Variants in PDCD6 observed in about 807,000 individuals in gnomAD.
PDCD6 encodes programmed cell death 6, also known as programmed cell death protein 6.
Under a neutral mutation model 28.3 loss-of-function variants are expected in PDCD6, and 12 were observed. That is an observed-to-expected ratio of 0.42 (90% CI 0.27 to 0.69). The LOEUF (loss-of-function observed/expected upper bound fraction) is 0.69, where lower values mean the gene tolerates loss of function less well. Among genes scored for constraint, PDCD6 ranks in the 30% least tolerant of loss-of-function variants. PDCD6 has a pLI of 0.22. For missense variants in PDCD6, 226 were observed against 269.9 expected (o/e 0.84, Z 1.14); for synonymous variants, 92 against 108.0 (o/e 0.85, Z 0.92).
At chr5:291,855 C>A (rs1247690866) in intron 2 of PDCD6, among the ~76,000 whole-genome samples, 2 of 152,290 alleles carry the variant, frequency 1.3e-5, no homozygotes, top group South Asian at 2.1e-4. Context: ...TTGTTGGGAA[C>A]GTTCTTGGGC....
intron 2 of PDCD6, chr5:276,388 T>C (rs1403511613): frequency 2.7e-5 from 27 of 1,013,324 alleles, no homozygotes; most frequent in Admixed American, 5.9e-5. Flanking sequence ...AGGTTCATAG[T>C]TGTGTTGTAT....
chr5:271,651 C>A lies in PDCD6; in HGVS notation c.-70C>A. On this transcript the variant is annotated 5_prime_UTR_variant, in exon 1 of 6. Transcript: ENST00000264933. ...TGCCAGGCCCTGCCCCCGGCAGAGG[C>A]GGAAGCGGAGTCGGCCTGAGAGGTC... is the stretch of plus-strand genomic sequence containing the variant. The A allele has an allele frequency of 3.4e-6, 3 of 877,222 alleles. No homozygotes were observed. The highest frequency in any genetic ancestry group is 5.5e-6 in the Non-Finnish European group (3 of 549,462). The allele number at this position is 877,222 out of a possible 1,614,324, so 54.3% of individuals were successfully genotyped here.
chr5:300,339 T>C (rs1394141936), intron 2 of PDCD6, among the ~76,000 whole-genome samples: 128 of 152,254 alleles, frequency 8.4e-4, no homozygotes, highest in Admixed American at 1.8e-3. Context: ...TCCCAGCTTC[T>C]TGCTGGAGGA....
chr5:299,461 C>T (rs1413588662), intron 2 of PDCD6, among the ~76,000 whole-genome samples: 1 of 151,374 alleles, frequency 6.6e-6, no homozygotes, highest in Non-Finnish European at 1.5e-5. Flanking sequence ...GTTCCCAAAA[C>T]ATCTTGGAAT....
At chr5:306,441 G>A (rs1740488868) in intron 3 of PDCD6, 161 bp from the exon 4 acceptor site, 1 of 656,412 alleles carries the variant, frequency 1.5e-6, no homozygotes, top group African/African-American at 1.8e-5. Context: ...AGACTTTAAG[G>A]GATTTCACCC....
intron 3 of PDCD6, chr5:306,334 G>A (rs879913298): frequency 3.2e-5 from 13 of 403,482 alleles, no homozygotes; most frequent in Admixed American, 2.4e-4. Flanking sequence ...CCCATTGCAC[G>A]GCCTGCCTCA....
rs994455346 is a variant in PDCD6 at position 307,879 on chromosome 5, G to A, written c.367+1119G>A. ...CTTACGAGCTTGTCCACAGGGCCGGGGGTGGACACTGGGTCTCCTCAAGAA... is the reference window on the plus strand; with the variant it reads ...CTTACGAGCTTGTCCACAGGGCCGGAGGTGGACACTGGGTCTCCTCAAGAA... On this transcript the variant is annotated intron_variant, in intron 4 of 5. Coordinates refer to ENST00000264933, the MANE Select transcript of PDCD6 (RefSeq NM_013232.4). The surrounding 1 kb of genome is among the most constrained non-coding windows in gnomAD (Gnocchi z 6.1). Among the ~76,000 whole-genome samples the A allele has an allele frequency of 2.0e-5, 3 of 152,180 alleles. No individual in the cohort carries two copies. Among genetic ancestry groups the A allele is most frequent in the Non-Finnish European group, 2.9e-5 (2 of 68,038 alleles).
intron 3 of PDCD6, chr5:304,691 G>A (rs1163619992): frequency 6.4e-6 from 1 of 156,426 alleles, no homozygotes; most frequent in Non-Finnish European, 1.4e-5. Flanking sequence ...TGGGAGGGTG[G>A]TCTACAGCCA....
At chr5:303,994 A>T (rs1192041692) in intron 2 of PDCD6, among the ~76,000 whole-genome samples, 183 bp from the exon 3 acceptor site, 9 of 151,208 alleles carry the variant, frequency 6.0e-5, no homozygotes, top group Non-Finnish European at 1.2e-4. Flanking sequence ...GTGTGAACCC[A>T]CCAGGCAGTG....
intron 2 of PDCD6, among the ~76,000 whole-genome samples, chr5:290,642 C>A (rs1469047105): frequency 6.6e-6 from 1 of 152,190 alleles, no homozygotes; most frequent in Admixed American, 6.5e-5. Context: ...TTAGAACTTA[C>A]CATTTTTCCT....
At chr5:312,485 ATT>A (rs1388096769) in intron 5 of PDCD6, 4 of 152,174 alleles carry the variant, frequency 2.6e-5, no homozygotes, top group African/African-American at 9.7e-5. Context: ...GTTTCCTCTG[ATT>A]TGGCATGGAT....
chr5:309,965 G>GTGCACACCAGTGATGGCCGCCGTCCCCA (rs1740793828), intron 4 of PDCD6: 2 of 197,432 alleles, frequency 1.0e-5, no homozygotes, highest in Non-Finnish European at 2.0e-5. Flanking sequence ...CGCCGTCCCC[G>GTGCACACCAGTGATGGCCGCCGTCCCCA]TGCACACCAG....
intron 2 of PDCD6, among the ~76,000 whole-genome samples, chr5:296,221 C>G (rs6877727): frequency 0.38 from 57,319 of 151,978 alleles, 12,516 homozygotes; most frequent in South Asian, 0.51. Context: ...AGTTCAACAC[C>G]AGATCTGATC....
intron 1 of PDCD6, 99 bp downstream of exon 1, chr5:271,920 C>A: frequency 1.8e-6 from 1 of 561,816 alleles, no homozygotes; most frequent in Non-Finnish European, 2.8e-6. Context: ...GCCGGTTCTA[C>A]TGCGGCCTCC....
rs960148055 is a variant in PDCD6 at position 289,941 on chromosome 5, A to T, written c.164-14236A>T. ...GATAAACACAGCTAACAACCATCAC[A>T]TCCTTTTCTACTCCTCTGAGAAATT... On this transcript the variant is annotated intron_variant, in intron 2 of 5. Coordinates refer to ENST00000264933, the MANE Select transcript of PDCD6 (RefSeq NM_013232.4). The T allele has an allele frequency of 4.4e-5, 68 of 1,547,922 alleles. No homozygotes were observed. In the African/African-American group the frequency reaches 8.3e-4, roughly 19 times the overall value.
At chr5:286,559 C>T (rs1450158250) in intron 2 of PDCD6, among the ~76,000 whole-genome samples, 7 of 151,076 alleles carry the variant, frequency 4.6e-5, no homozygotes, top group African/African-American at 9.8e-5. Context: ...GCTGGAGACC[C>T]GTGGGGGAGC....
chr5:273,077 G>A (rs1363820224), intron 2 of PDCD6: 3 of 350,838 alleles, frequency 8.6e-6, no homozygotes, highest in South Asian at 3.3e-5. Flanking sequence ...ACAGCCGAAA[G>A]CCTTTTGGTA....
At chr5:279,952 A>G (rs1738462897) in intron 2 of PDCD6, among the ~76,000 whole-genome samples, 2 of 133,194 alleles carry the variant, frequency 1.5e-5, no homozygotes, top group African/African-American at 5.8e-5. Context: ...TCCCGGAGTC[A>G]GGAGACGGGG....
intron 2 of PDCD6, among the ~76,000 whole-genome samples, chr5:298,675 G>GCTGCTCCCACTCAGCTGCTCCCCCCCAC: frequency 9.9e-6 from 1 of 100,516 alleles, no homozygotes; most frequent in East Asian, 2.8e-4. Flanking sequence ...CTCCCACTCA[G>GCTGCTCCCACTCAGCTGCTCCCCCCCAC]CTGCTCCCAC....
Sources: gnomAD v4.1 joint callset for allele counts (sites outside exome capture counted in the v4.1 genomes callset) on GRCh38, gnomAD v4.1.1 for gene constraint, Gnocchi (gnomAD v3.1) non-coding constraint, MANE v1.5 for transcripts, NCBI Gene and HGNC (gene_info 2026-07-23, HGNC 2026-07-21) for gene names.